SYBU: variants seen among roughly 807,000 people sequenced by gnomAD.
SYBU encodes GOLSYN A protein.
In SYBU, 21 loss-of-function variants were observed where a neutral mutation model predicts 35.9. The observed-to-expected ratio is 0.58, with a 90% CI of 0.41 to 0.84. The LOEUF (loss-of-function observed/expected upper bound fraction) is 0.84. SYBU is among the 40% of genes least tolerant of loss of function. The pLI is 0.00. For synonymous variants in SYBU, 319 were observed against 324.3 expected (o/e 0.98, Z 0.18); for missense variants, 768 against 848.2 (o/e 0.91, Z 1.17).
At chr8:109,635,742 G>T (rs563582037) in intron 2 of SYBU, among the ~76,000 whole-genome samples, 7 of 152,214 alleles carry the variant, frequency 4.6e-5, no homozygotes, top group Non-Finnish European at 8.8e-5. Context: ...TTAGACTGCA[G>T]CAGTGTCCTT....
intron 1 of SYBU, among the ~76,000 whole-genome samples, chr8:109,663,258 C>CAGATAGATAGAT (rs67666534): frequency 1.3e-3 from 195 of 149,146 alleles, no homozygotes; most frequent in East Asian, 3.2e-3. Context: ...AAAATACATA[C>CAGATAGATAGAT]AGATAGATAG....
At chr8:109,681,625 G>A (rs933352047), upstream of SYBU, among the ~76,000 whole-genome samples, 1 of 152,036 alleles carries the variant, frequency 6.6e-6, no homozygotes. Flanking sequence ...TTGGATAACA[G>A]CATACGTAAT....
intron 6 of SYBU, 122 bp from the exon 7 acceptor site, chr8:109,576,135 A>T: frequency 8.3e-7 from 1 of 1,200,996 alleles, no homozygotes; most frequent in Non-Finnish European, 1.1e-6. Context: ...ATACTCTTCC[A>T]CTTGAAATAC....
intron 2 of SYBU, among the ~76,000 whole-genome samples, chr8:109,633,923 G>A (rs1813915800): frequency 6.6e-6 from 1 of 151,962 alleles, no homozygotes; most frequent in Non-Finnish European, 1.5e-5. Flanking sequence ...TTGTAGAGAT[G>A]GAGTTTCATG....
chr8:109,657,030 T>A (rs1816381751), intron 1 of SYBU, among the ~76,000 whole-genome samples: 1 of 152,146 alleles, frequency 6.6e-6, no homozygotes, highest in South Asian at 2.1e-4. Context: ...TATTTATTAA[T>A]ACAGGACAAG....
At chr8:109,628,130 T>C (rs1184937836) in intron 2 of SYBU, among the ~76,000 whole-genome samples, 1 of 152,174 alleles carries the variant, frequency 6.6e-6, no homozygotes, top group Non-Finnish European at 1.5e-5. Flanking sequence ...TAATGATGAG[T>C]GAGACACTAA....
chr8:109,672,269 T>G (rs1023052600), intron 1 of SYBU, among the ~76,000 whole-genome samples: 1 of 145,198 alleles, frequency 6.9e-6, no homozygotes, highest in Non-Finnish European at 1.5e-5. Flanking sequence ...AGCTCCGGTC[T>G]GCAGCTCCCA....
At chr8:109,604,643 T>C (rs1477567681) in intron 3 of SYBU, among the ~76,000 whole-genome samples, 2 of 152,234 alleles carry the variant, frequency 1.3e-5, no homozygotes, top group African/African-American at 4.8e-5. Context: ...CAGTGTTGCA[T>C]GGGAAAAATC....
At position 109,574,861 on chromosome 8, in the gene SYBU, C is replaced by A. The variant is rs1822021658; in HGVS notation, c.*45G>T. On this transcript the variant is annotated 3_prime_UTR_variant, in exon 7 of 7. Transcript: ENST00000276646. ...TGACTTCCTGTTTCTCTACCTGGCA[C>A]AACCCACATGGGACACATTGGCACA... is the stretch of plus-strand genomic sequence containing the variant. 2 of 1,497,954 alleles carry A rather than the reference C, an allele frequency of 1.3e-6. No homozygotes were observed. Among genetic ancestry groups the A allele is most frequent in the Middle Eastern group, 1.8e-4 (1 of 5,536 alleles). The allele number at this position is 1,497,954 out of a possible 1,614,324, so 92.8% of individuals were successfully genotyped here.
chr8:109,594,024 C>A (rs1259755201), intron 3 of SYBU, among the ~76,000 whole-genome samples: 1 of 152,234 alleles, frequency 6.6e-6, no homozygotes, highest in Admixed American at 6.5e-5. Context: ...TGAATTTCTA[C>A]CCCCTTAAAA....
At position 109,642,944 on chromosome 8, in the gene SYBU, A is replaced by G. The variant is rs763348388; in HGVS notation, c.25-12T>C. The G allele has an allele frequency of 5.5e-6, 8 of 1,453,332 alleles. No homozygotes were observed. The East Asian group carries it at 2.1e-4, about 37-fold the overall frequency. 90.0% of individuals were successfully genotyped at this position (1,453,332 alleles called of 1,614,324 possible). Reference sequence around the variant, plus strand: ...ACTCTGTGCTCCTTCTCAAAATTGGACATCAAAAAAGAAAACAAAAGGAAA... The same window carrying G: ...ACTCTGTGCTCCTTCTCAAAATTGGGCATCAAAAAAGAAAACAAAAGGAAA... On this transcript the variant is annotated splice_polypyrimidine_tract_variant and intron_variant, in intron 1 of 6. Transcript: ENST00000276646.
chr8:109,585,970 A>T lies in SYBU; in HGVS notation c.530+90T>A, dbSNP rs1354512549. On this transcript the variant is annotated intron_variant, in intron 4 of 6. Transcript: ENST00000276646. ...TCACTGAATAATAAAATATGAACGG[A>T]CAGTAATCCGGGTGGTTCTACAGAT... 3.8e-6 allele frequency: 3 copies of T among 798,522 alleles called. No homozygotes were observed. The African/African-American group carries it at 5.2e-5, about 14-fold the overall frequency. 49.5% of individuals were successfully genotyped at this position (798,522 alleles called of 1,614,324 possible). A position where few individuals can be genotyped will look rare whatever the true frequency, so the allele number is the denominator to read the frequency against.
intron 1 of SYBU, among the ~76,000 whole-genome samples, chr8:109,663,294 TAGA>T (rs1326356279): frequency 4.7e-5 from 7 of 150,516 alleles, no homozygotes; most frequent in Non-Finnish European, 1.0e-4. Context: ...GATAGATAGA[TAGA>T]TAGGTAGATA....
intron 2 of SYBU, among the ~76,000 whole-genome samples, chr8:109,627,474 C>T (rs1253795859): frequency 6.6e-6 from 1 of 152,078 alleles, no homozygotes; most frequent in Non-Finnish European, 1.5e-5. Context: ...TTATTAAGTA[C>T]TTATCATGTG....
chr8:109,686,165 A>G (rs1394133379), intron 1 of SYBU, among the ~76,000 whole-genome samples: 1 of 149,714 alleles, frequency 6.7e-6, no homozygotes, highest in Non-Finnish European at 1.5e-5. Context: ...TTCTTTCTGT[A>G]CCTAATTCTG....
chr8:109,612,700 C>T lies in SYBU; in HGVS notation c.427+6142G>A, dbSNP rs534790015. The stretch of plus-strand genomic sequence containing the variant: ...TAAAACACTTAAAAGGCCACCCAGG[C>T]GGAGTGCGGTGGCTCACGCCTGTAA... On this transcript the variant is annotated intron_variant, in intron 3 of 6. Coordinates refer to ENST00000276646, the MANE Select transcript of SYBU (RefSeq NM_001099754.2). 1.6e-4 allele frequency among the ~76,000 whole-genome samples: 24 copies of T among 150,048 alleles called. No homozygotes were observed. In the South Asian group the frequency reaches 4.9e-3, roughly 31 times the overall value.
upstream of SYBU, chr8:109,645,626 G>GTTTTTTTTTTTTTTTTTTTTTTTTTTT (rs201121007): frequency 3.3e-4 from 82 of 244,820 alleles, 4 homozygotes; most frequent in African/African-American, 2.1e-3. Flanking sequence ...TTGTTGTTTC[G>GTTTTTTTTTTTTTTTTTTTTTTTTTTT]TTTTTTGTTT....
intron 1 of SYBU, among the ~76,000 whole-genome samples, chr8:109,666,555 A>C (rs1816760164): frequency 6.6e-6 from 1 of 152,152 alleles, no homozygotes; most frequent in African/African-American, 2.4e-5. Context: ...AACCTGGCTA[A>C]CATGGTGAAA....
chr8:109,689,237 A>G (rs1817589643), intron 1 of SYBU, among the ~76,000 whole-genome samples: 1 of 152,192 alleles, frequency 6.6e-6, no homozygotes, highest in Non-Finnish European at 1.5e-5. Flanking sequence ...CAACGGTTAT[A>G]TCATATAACT....
Sources: gnomAD v4.1 joint callset for allele counts (sites outside exome capture counted in the v4.1 genomes callset) on GRCh38, gnomAD v4.1.1 for gene constraint, MANE v1.5 for transcripts, NCBI Gene and HGNC (gene_info 2026-07-23, HGNC 2026-07-21) for gene names.